HIVEP3: variants seen among roughly 807,000 people sequenced by gnomAD.
HIVEP3 encodes the protein HIVEP zinc finger 3, also known as transcription factor HIVEP3.
Under a neutral mutation model 152.8 loss-of-function variants are expected in HIVEP3, and 49 were observed. The observed-to-expected ratio is 0.32, with a 90% CI of 0.26 to 0.41. The LOEUF is 0.41. HIVEP3 is among the 10% of genes least tolerant of loss of function. HIVEP3 has a pLI of 1.00. For missense variants in HIVEP3, 2,790 were observed against 3,103.3 expected (o/e 0.90, Z 2.40); for synonymous variants, 1,269 against 1,289.0 (o/e 0.98, Z 0.33).
At chr1:41,916,374 G>A (rs1290257487) in intron 1 of HIVEP3, among the ~76,000 whole-genome samples, 1 of 152,156 alleles carries the variant, frequency 6.6e-6, no homozygotes, top group Non-Finnish European at 1.5e-5. Flanking sequence ...TAGCCTTAAG[G>A]GGCCAGACTT....
intron 1 of HIVEP3, among the ~76,000 whole-genome samples, chr1:41,712,680 A>C (rs976553550): frequency 2.6e-5 from 4 of 152,218 alleles, no homozygotes; most frequent in Non-Finnish European, 5.9e-5. Context: ...AGAAAACCAG[A>C]AACAGAGCCA....
chr1:41,725,642 C>A (rs374684847), intron 1 of HIVEP3, among the ~76,000 whole-genome samples: 3 of 152,184 alleles, frequency 2.0e-5, no homozygotes, highest in African/African-American at 7.2e-5. Context: ...TATGGAAACT[C>A]CATAAGAGGC....
chr1:41,752,832 G>C (rs1333909695), intron 1 of HIVEP3, among the ~76,000 whole-genome samples: 1 of 152,198 alleles, frequency 6.6e-6, no homozygotes, highest in Non-Finnish European at 1.5e-5. Flanking sequence ...AACAATTCAG[G>C]AAAGTGTTCT....
At chr1:41,653,430 T>C (rs914973643) in intron 2 of HIVEP3, among the ~76,000 whole-genome samples, 1 of 152,154 alleles carries the variant, frequency 6.6e-6, no homozygotes, top group Non-Finnish European at 1.5e-5. Flanking sequence ...TCTTTAAAGT[T>C]TCCCAAATGT....
chr1:41,580,024 C>T lies in HIVEP3; in HGVS notation c.4774G>A (p.Val1592Ile), dbSNP rs1195507264. 2 of 1,614,072 alleles carry T rather than the reference C, an allele frequency of 1.2e-6. No homozygotes were observed. Among genetic ancestry groups the T allele is most frequent in the African/African-American group, 1.3e-5 (1 of 74,914 alleles). The change falls in exon 4 of 9, where the codon GTA becomes ATA. Residue 1592 changes from valine to isoleucine, a missense_variant. Transcript: ENST00000372583. ...GTGTGGAGGCTGGGGAACTGCAGTA[C>T]CTTCTTTGAGTCCGTACCTTCTTGT... is the stretch of plus-strand genomic sequence containing the variant. ...KSQEGTDSKK[V>I]LQFPSLHTTT...
Position 41,581,050 on chromosome 1 carries a change from G to C in HIVEP3, c.3748C>G (p.Leu1250Val), listed in dbSNP as rs1243182856. 14 of 1,558,570 alleles carry C rather than the reference G, an allele frequency of 9.0e-6. No homozygotes were observed. Among genetic ancestry groups the C allele is most frequent in the Admixed American group, 1.9e-5 (1 of 53,722 alleles). Reference sequence around the variant, plus strand: ...AGATGGCTTTCCACATCACCAGGGAGCTGAAGTGCAAACTGGGATTGCAGA... The same window carrying C: ...AGATGGCTTTCCACATCACCAGGGACCTGAAGTGCAAACTGGGATTGCAGA... ...LPLQSQFALQ[L>V]PGDVESHLPQ... Residue 1250 changes from leucine (L) to valine (V), a missense_variant, in exon 4 of 9, where the codon CTC becomes GTC. Physicochemically the swap from Leu to Val is conservative, Grantham distance 32. Coordinates refer to ENST00000372583, the MANE Select transcript of HIVEP3 (RefSeq NM_024503.5). The surrounding 1 kb of genome is among the most constrained non-coding windows in gnomAD (Gnocchi z 4.5).
chr1:41,825,143 T>C (rs951656457), intron 1 of HIVEP3, among the ~76,000 whole-genome samples: 7 of 152,018 alleles, frequency 4.6e-5, no homozygotes, highest in African/African-American at 1.7e-4. Flanking sequence ...GGGATTATCA[T>C]TGGTTCTTAT....
At chr1:41,575,187 G>A (rs1187672712) in intron 5 of HIVEP3, among the ~76,000 whole-genome samples, 1 of 152,214 alleles carries the variant, frequency 6.6e-6, no homozygotes, top group Non-Finnish European at 1.5e-5. Flanking sequence ...GAGAATACAT[G>A]TCAAGAGAGA....
chr1:41,590,216 G>T (rs1169725970), intron 3 of HIVEP3, among the ~76,000 whole-genome samples: 1 of 152,262 alleles, frequency 6.6e-6, no homozygotes, highest in African/African-American at 2.4e-5. Flanking sequence ...ACAGAAGGAT[G>T]TCTGGGCAAA....
intron 1 of HIVEP3, among the ~76,000 whole-genome samples, chr1:41,789,450 T>A (rs147258950): frequency 6.6e-6 from 1 of 152,202 alleles, no homozygotes; most frequent in African/African-American, 2.4e-5. Context: ...AGCTGTGAGT[T>A]TATTTTACAC....
At chr1:41,636,904 A>G (rs11210504) in intron 2 of HIVEP3, among the ~76,000 whole-genome samples, 79,044 of 149,198 alleles carry the variant, frequency 0.53, 21,102 homozygotes, top group African/African-American at 0.56. Context: ...GGTTGCAGTG[A>G]GCCGAGATTG....
intron 3 of HIVEP3, among the ~76,000 whole-genome samples, chr1:41,593,330 T>TA (rs1233120938): frequency 6.6e-6 from 1 of 152,240 alleles, no homozygotes; most frequent in African/African-American, 2.4e-5. Flanking sequence ...TTTCTTTTTT[T>TA]AAATCTATGT....
Position 41,528,532 on chromosome 1 carries a change from C to T in HIVEP3, c.5208-3622G>A, listed in dbSNP as rs1267415335. Among the ~76,000 whole-genome samples the T allele has an allele frequency of 4.8e-4, 2 of 4,134 alleles. 1 individual carries two copies. The highest frequency in any genetic ancestry group is 1.1e-3 in the Non-Finnish European group (2 of 1,756). The allele number at this position is 4,134 out of a possible 152,430, so 2.7% of individuals were successfully genotyped here. The stretch of plus-strand genomic sequence containing the variant: ...ACACTCACACCCCTGCCCTCACATT[C>T]ACCCTGACTCACACCCCACCCTCAC... On this transcript the variant is annotated intron_variant, in intron 5 of 8. Coordinates refer to ENST00000372583, the MANE Select transcript of HIVEP3 (RefSeq NM_024503.5).
chr1:41,976,233 C>T (rs1279376152), intron 1 of HIVEP3, among the ~76,000 whole-genome samples: 3 of 152,214 alleles, frequency 2.0e-5, no homozygotes, highest in Admixed American at 6.5e-5. Context: ...CTCCTAAATA[C>T]GTTTGTGGCG....
At chr1:41,720,457 C>T (rs1172362273) in intron 1 of HIVEP3, among the ~76,000 whole-genome samples, 1 of 152,214 alleles carries the variant, frequency 6.6e-6, no homozygotes, top group Non-Finnish European at 1.5e-5. Context: ...GAATATACTA[C>T]ATTATTATTC....
chr1:41,775,018 G>T (rs1648607641), intron 1 of HIVEP3, among the ~76,000 whole-genome samples: 1 of 151,950 alleles, frequency 6.6e-6, no homozygotes, highest in Non-Finnish European at 1.5e-5. Flanking sequence ...GCCCAGGCTG[G>T]TCTTGAAATC....
In HIVEP3 at chr1:41,768,856, A is replaced by G. The variant is rs1308671621; in HGVS notation, c.-800-67861T>C. 2.6e-5 allele frequency among the ~76,000 whole-genome samples: 4 copies of G among 152,360 alleles called. No homozygotes were observed. In the South Asian group the frequency reaches 6.2e-4, roughly 24 times the overall value. ...CCTGTTGGCTTTGCTTGGCCTAACC[A>G]GAAGTATTTCAGTGCAATCTGATCT... is the stretch of plus-strand genomic sequence containing the variant. On this transcript the variant is annotated intron_variant, in intron 1 of 8. Coordinates refer to ENST00000372583, the MANE Select transcript of HIVEP3 (RefSeq NM_024503.5).
intron 1 of HIVEP3, among the ~76,000 whole-genome samples, chr1:41,842,627 G>GAATCCTGA (rs1369050989): frequency 1.3e-5 from 2 of 152,142 alleles, no homozygotes; most frequent in Non-Finnish European, 2.9e-5. Flanking sequence ...CAGACCCACT[G>GAATCCTGA]AGAATCCTGA....
chr1:41,697,594 G>A (rs1434753612), intron 2 of HIVEP3, among the ~76,000 whole-genome samples: 1 of 152,200 alleles, frequency 6.6e-6, no homozygotes, highest in African/African-American at 2.4e-5. Context: ...TTGGGACAGG[G>A]TGAGGGAGAG....
Sources: gnomAD v4.1 joint callset for allele counts (sites outside exome capture counted in the v4.1 genomes callset) on GRCh38, gnomAD v4.1.1 for gene constraint, Gnocchi (gnomAD v3.1) non-coding constraint, MANE v1.5 for transcripts, NCBI Gene and HGNC (gene_info 2026-07-23, HGNC 2026-07-21) for gene names.